The following UNC13B variants were observed in gnomAD, a reference collection of about 807,000 sequenced individuals.
UNC13B encodes the protein protein unc-13 homolog B.
Under a neutral mutation model 211.0 loss-of-function variants are expected in UNC13B, and 144 were observed. The observed-to-expected ratio is 0.68, with a 90% CI of 0.60 to 0.78. UNC13B has a LOEUF of 0.78. UNC13B is among the 30% of genes least tolerant of loss of function. The probability of loss-of-function intolerance (pLI) is 0.00; values close to 1 mark genes in which losing one functional copy is unlikely to be tolerated. For synonymous variants in UNC13B, 709 were observed against 725.8 expected (o/e 0.98, Z 0.37); for missense variants, 1,777 against 2,002.0 (o/e 0.89, Z 2.14).
At chr9:35,248,997 T>C (rs1456902507) in intron 6 of UNC13B, among the ~76,000 whole-genome samples, 1 of 152,224 alleles carries the variant, frequency 6.6e-6, no homozygotes, top group Non-Finnish European at 1.5e-5. Context: ...TCTAAGTCTC[T>C]TTGTAGGTCT....
intron 12 of UNC13B, among the ~76,000 whole-genome samples, chr9:35,369,383 G>A (rs887107563): frequency 2.0e-5 from 3 of 152,100 alleles, no homozygotes; most frequent in Admixed American, 6.5e-5. Flanking sequence ...TTATAGAAGC[G>A]TCACCAAGGC....
intron 11 of UNC13B, among the ~76,000 whole-genome samples, chr9:35,347,482 T>G (rs1832435376): frequency 6.6e-6 from 1 of 152,168 alleles, no homozygotes; most frequent in Admixed American, 6.5e-5. Context: ...TTCAGCCCAT[T>G]CTGGCTTCTG....
intron 37 of UNC13B, among the ~76,000 whole-genome samples, chr9:35,401,127 C>T (rs1836273691): frequency 6.6e-6 from 1 of 152,164 alleles, no homozygotes; most frequent in African/African-American, 2.4e-5. Flanking sequence ...GCAGAGCCCT[C>T]CCAGGAGGCA....
intron 7 of UNC13B, among the ~76,000 whole-genome samples, chr9:35,271,090 G>A (rs147507456): frequency 0.028 from 3,869 of 140,498 alleles, 77 homozygotes; most frequent in Non-Finnish European, 0.043. Context: ...AGTGAGCCGA[G>A]ATTGCGCCAC....
intron 37 of UNC13B, 40 bp downstream of exon 37, chr9:35,400,483 T>C (rs764860925): frequency 6.3e-7 from 1 of 1,593,778 alleles, no homozygotes; most frequent in Admixed American, 1.7e-5. Context: ...CTCTCCTCTC[T>C]GATACACATC....
At chr9:35,179,207 A>G (rs942310358) in intron 1 of UNC13B, among the ~76,000 whole-genome samples, 4 of 152,186 alleles carry the variant, frequency 2.6e-5, no homozygotes, top group African/African-American at 9.7e-5. Context: ...TTAGGGAAAG[A>G]TGGCTGTTAT....
chr9:35,255,079 A>AT (rs572326839), intron 6 of UNC13B, among the ~76,000 whole-genome samples: 1,804 of 123,414 alleles, frequency 0.015, 38 homozygotes, highest in African/African-American at 0.054. Context: ...AATATAATAT[A>AT]TATATTATAT....
At chr9:35,325,833 A>G (rs961234375) in intron 11 of UNC13B, among the ~76,000 whole-genome samples, 9 of 152,166 alleles carry the variant, frequency 5.9e-5, no homozygotes, top group Non-Finnish European at 1.5e-5. Flanking sequence ...TATGTGGCCT[A>G]CTGTGTCTGG....
At chr9:35,384,130 C>A in intron 21 of UNC13B, 116 bp from the exon 22 acceptor site, 7 of 1,509,946 alleles carry the variant, frequency 4.6e-6, no homozygotes, top group Non-Finnish European at 6.3e-6. Context: ...GTGTCTCCAA[C>A]CCAATGCCTC....
chr9:35,380,691 A>G, intron 18 of UNC13B, 52 bp downstream of exon 18: 1 of 1,608,638 alleles, frequency 6.2e-7, no homozygotes, highest in Non-Finnish European at 8.5e-7. Context: ...CATGAAGGGG[A>G]CCTGGGAATA....
In UNC13B at chr9:35,322,488, A is replaced by G. The variant is rs1477407357; in HGVS notation, c.9414+8499A>G. Among the ~76,000 whole-genome samples the G allele has an allele frequency of 5.9e-5, 9 of 152,228 alleles. No homozygotes were observed. In the East Asian group the frequency reaches 1.5e-3, roughly 26 times the overall value. On this transcript the variant is annotated intron_variant, in intron 11 of 39. Transcript: ENST00000635942. Reference sequence around the variant, plus strand: ...CTTGGTAAGCAGAGACAGAACAGCAAATAGATGAGAAGGCCTGGGTTTAAA... The same window carrying G: ...CTTGGTAAGCAGAGACAGAACAGCAGATAGATGAGAAGGCCTGGGTTTAAA...
intron 1 of UNC13B, among the ~76,000 whole-genome samples, chr9:35,197,709 T>G (rs1823023727): frequency 6.6e-6 from 1 of 151,998 alleles, no homozygotes; most frequent in African/African-American, 2.4e-5. Context: ...CTTGTGACAG[T>G]GAGTTCGTTC....
At chr9:35,295,978 A>T in intron 8 of UNC13B, 48 bp downstream of exon 8, 18 of 1,522,686 alleles carry the variant, frequency 1.2e-5, no homozygotes, top group Non-Finnish European at 1.5e-5. Flanking sequence ...TCCAGGTCTC[A>T]TGATGCAATT....
chr9:35,257,335 A>G (rs1156384388), intron 6 of UNC13B, among the ~76,000 whole-genome samples: 3 of 132,624 alleles, frequency 2.3e-5, no homozygotes, highest in Non-Finnish European at 3.2e-5. Context: ...AAATATTTAT[A>G]TAAATATTTA....
chr9:35,314,048 A>G (rs554395342), intron 11 of UNC13B, 59 bp downstream of exon 11: 142 of 1,347,068 alleles, frequency 1.1e-4, no homozygotes, highest in African/African-American at 9.8e-4. Context: ...TGGGAGACAT[A>G]TGGTGCTGGA....
intron 7 of UNC13B, among the ~76,000 whole-genome samples, chr9:35,275,321 G>A (rs1315685493): frequency 6.6e-6 from 1 of 152,134 alleles, no homozygotes; most frequent in African/African-American, 2.4e-5. Flanking sequence ...CTTTTCTTAC[G>A]TGGCTACTGC....
intron 11 of UNC13B, among the ~76,000 whole-genome samples, chr9:35,336,653 A>G (rs920325976): frequency 1.8e-4 from 28 of 152,048 alleles, no homozygotes; most frequent in African/African-American, 6.5e-4. Context: ...GGAAGGGGCA[A>G]AAGAACTCCT....
chr9:35,319,469 A>G (rs1830631089), intron 11 of UNC13B, among the ~76,000 whole-genome samples: 1 of 150,032 alleles, frequency 6.7e-6, no homozygotes, highest in African/African-American at 2.5e-5. Context: ...CAGGTTTGTT[A>G]CATAGGTATT....
At chr9:35,255,025 A>AT (rs1267483759) in intron 6 of UNC13B, among the ~76,000 whole-genome samples, 1 of 113,542 alleles carries the variant, frequency 8.8e-6, no homozygotes, top group African/African-American at 3.9e-5. Context: ...ATATGTATAT[A>AT]TAATATAATA....
Sources: allele counts gnomAD v4.1 joint callset (sites outside exome capture counted in the v4.1 genomes callset), GRCh38; gene constraint gnomAD v4.1.1; transcripts MANE v1.5; gene names NCBI Gene and HGNC (gene_info 2026-07-23, HGNC 2026-07-21).